Variants in PCDH9 observed in about 807,000 individuals in gnomAD.
PCDH9 encodes protocadherin 9.
A neutral mutation model predicts 70.6 loss-of-function variants in PCDH9; 24 were observed. The ratio of observed to expected loss-of-function variants is 0.34; its 90% CI spans 0.25 to 0.48. The LOEUF (loss-of-function observed/expected upper bound fraction) is 0.48, where lower values mean the gene tolerates loss of function less well. Among genes scored for constraint, PCDH9 ranks in the 20% least tolerant of loss-of-function variants. The pLI is 0.99. For synonymous variants in PCDH9, 562 were observed against 558.5 expected, an observed-to-expected ratio of 1.01 and a Z score of -0.09; for missense variants, 1,281 against 1,503.6, an observed-to-expected ratio of 0.85 and a Z score of 2.45.
At chr13:66,366,048 T>A (rs912394046) in intron 4 of PCDH9, among the ~76,000 whole-genome samples, 2 of 152,030 alleles carry the variant, frequency 1.3e-5, no homozygotes, top group Non-Finnish European at 1.5e-5. Context: ...ACTCAAAAAG[T>A]ATACATAGTA....
intron 3 of PCDH9, among the ~76,000 whole-genome samples, chr13:66,684,121 G>T (rs112014942): frequency 2.7e-4 from 41 of 152,164 alleles, no homozygotes; most frequent in African/African-American, 8.2e-4. Flanking sequence ...CCTTTGATTT[G>T]GTGATAGCTG....
intron 3 of PCDH9, among the ~76,000 whole-genome samples, chr13:66,748,381 A>G (rs2079405604): frequency 6.6e-6 from 1 of 152,224 alleles, no homozygotes. Context: ...ATGAGTGTAC[A>G]GTAGTTAAAC....
chr13:66,693,368 T>C (rs2139088860), intron 3 of PCDH9, among the ~76,000 whole-genome samples: 1 of 152,164 alleles, frequency 6.6e-6, no homozygotes, highest in African/African-American at 2.4e-5. Flanking sequence ...GAAAAAACAC[T>C]TTGATCTAAG....
At chr13:67,213,184 C>T (rs1381791790) in intron 2 of PCDH9, 1 of 112,404 alleles carries the variant, frequency 8.9e-6, no homozygotes, top group African/African-American at 3.5e-5. Context: ...GCACTCCAGC[C>T]TGGACGACAG....
intron 2 of PCDH9, among the ~76,000 whole-genome samples, chr13:67,136,443 T>C (rs528271898): frequency 4.0e-4 from 61 of 152,312 alleles, no homozygotes; most frequent in African/African-American, 1.5e-3. Context: ...TTTCTCTTCA[T>C]GTGTGCCTGT....
intron 3 of PCDH9, among the ~76,000 whole-genome samples, chr13:66,744,555 C>A (rs1376753720): frequency 1.3e-5 from 2 of 152,108 alleles, no homozygotes; most frequent in African/African-American, 4.8e-5. Flanking sequence ...AATACATTCC[C>A]AGTACTTGTT....
chr13:66,605,756 A>G (rs2077214986), intron 4 of PCDH9, among the ~76,000 whole-genome samples: 1 of 152,162 alleles, frequency 6.6e-6, no homozygotes, highest in South Asian at 2.1e-4. Flanking sequence ...TGCAAAGACA[A>G]TATTATACAA....
intron 3 of PCDH9, among the ~76,000 whole-genome samples, chr13:66,654,682 A>C (rs1010687352): frequency 6.6e-6 from 1 of 152,114 alleles, no homozygotes; most frequent in Non-Finnish European, 1.5e-5. Context: ...AGACAAACAG[A>C]TATACTTGTT....
chr13:67,116,691 T>C (rs2086782754), intron 2 of PCDH9, among the ~76,000 whole-genome samples: 2 of 152,192 alleles, frequency 1.3e-5, no homozygotes, highest in African/African-American at 4.8e-5. Flanking sequence ...ATCAAACCTA[T>C]TGCTCCTTTG....
chr13:66,836,748 G>A (rs909254652), intron 3 of PCDH9, among the ~76,000 whole-genome samples: 2 of 152,140 alleles, frequency 1.3e-5, no homozygotes, highest in African/African-American at 4.8e-5. Flanking sequence ...TCAGGGACTT[G>A]CCTTGTTTCT....
chr13:66,631,079 A>G, intron 4 of PCDH9, 131 bp downstream of exon 4: 1 of 629,004 alleles, frequency 1.6e-6, no homozygotes, highest in Non-Finnish European at 2.9e-6. Flanking sequence ...CAAAGAATAC[A>G]GCAACAACAA....
At chr13:67,127,654 C>CT (rs1217397782) in intron 2 of PCDH9, among the ~76,000 whole-genome samples, 3 of 144,956 alleles carry the variant, frequency 2.1e-5, no homozygotes, top group East Asian at 2.0e-4. Flanking sequence ...CATTTCAAGA[C>CT]TTTTTTATCA....
chr13:66,570,771 CA>C (rs2076722807), intron 4 of PCDH9, among the ~76,000 whole-genome samples: 1 of 151,948 alleles, frequency 6.6e-6, no homozygotes, highest in Non-Finnish European at 1.5e-5. Flanking sequence ...CAACAGAATC[CA>C]AATATGACAG....
Position 66,811,421 on chromosome 13 carries a change from G to A in PCDH9, c.3138+92083C>T, listed in dbSNP as rs2080502409. Among the ~76,000 whole-genome samples, 7 of 152,296 alleles carry A rather than the reference G, an allele frequency of 4.6e-5. No homozygotes were observed. The South Asian group carries it at 1.5e-3, about 32-fold the overall frequency. The stretch of plus-strand genomic sequence containing the variant: ...TTTGTAATCATGAAGGGAATAAGTA[G>A]TAAAAATGTTTTACGCATAATACTC... On this transcript the variant is annotated intron_variant, in intron 3 of 4. Coordinates refer to ENST00000377865, the MANE Select transcript of PCDH9 (RefSeq NM_203487.3).
At chr13:66,523,500 C>G (rs79698608) in intron 4 of PCDH9, among the ~76,000 whole-genome samples, 2 of 151,830 alleles carry the variant, frequency 1.3e-5, no homozygotes, top group Admixed American at 1.3e-4. Flanking sequence ...GTCTTCTGAA[C>G]GTAGTTTTTT....
chr13:66,940,826 C>T (rs1345290472), intron 2 of PCDH9, among the ~76,000 whole-genome samples: 1 of 151,690 alleles, frequency 6.6e-6, no homozygotes, highest in African/African-American at 2.4e-5. Flanking sequence ...ATTCATTTTT[C>T]TTGTACTTGT....
At chr13:66,607,650 G>A (rs2077238296) in intron 4 of PCDH9, among the ~76,000 whole-genome samples, 1 of 151,962 alleles carries the variant, frequency 6.6e-6, no homozygotes, top group Non-Finnish European at 1.5e-5. Flanking sequence ...TAGTACCAAT[G>A]AATTAGTCTC....
At chr13:66,730,881 T>G (rs1349490228) in intron 3 of PCDH9, among the ~76,000 whole-genome samples, 88 of 15,804 alleles carry the variant, frequency 5.6e-3, no homozygotes, top group Middle Eastern at 0.071. Flanking sequence ...TGTGTGTTTT[T>G]TTTTTGTTTG....
chr13:66,930,129 T>C (rs1434521791), intron 2 of PCDH9, among the ~76,000 whole-genome samples: 3 of 152,186 alleles, frequency 2.0e-5, no homozygotes, highest in East Asian at 3.9e-4. Flanking sequence ...TTGAGAGTAC[T>C]ACCTCAAACC....
Sources: allele counts gnomAD v4.1 joint callset (sites outside exome capture counted in the v4.1 genomes callset), GRCh38; gene constraint gnomAD v4.1.1; transcripts MANE v1.5; gene names NCBI Gene and HGNC (gene_info 2026-07-23, HGNC 2026-07-21).